MALRD1: variants seen among roughly 807,000 people sequenced by gnomAD.
MALRD1 encodes the protein MAM and LDL receptor class A domain containing 1.
In MALRD1, 247 loss-of-function variants were observed where a neutral mutation model predicts 242.1. The ratio of observed to expected loss-of-function variants is 1.02; its 90% CI spans 0.92 to 1.13. The LOEUF (loss-of-function observed/expected upper bound fraction) is 1.13, where lower values mean the gene tolerates loss of function less well. Ranked by LOEUF, MALRD1 falls within the 50% of genes most tolerant of loss-of-function variation. MALRD1 has a pLI of 0.00. For synonymous variants in MALRD1, 995 were observed against 866.6 expected (o/e 1.15, Z -2.60); for missense variants, 2,989 against 2,533.1 (o/e 1.18, Z -3.86).
At chr10:19,646,219 G>C (rs1007989160) in intron 36 of MALRD1, among the ~76,000 whole-genome samples, 1 of 152,044 alleles carries the variant, frequency 6.6e-6, no homozygotes, top group African/African-American at 2.4e-5. Context: ...TGCTGGCTGG[G>C]GTTACTAATA....
Position 19,155,113 on chromosome 10 carries a change from G to A in MALRD1, c.1597G>A (p.Val533Met). ...TTTGGAGGCACAGCGCTCCCCCGGG[G>A]TGGCCAAGCTTGGAAGTCCTGTTCT... ...IYLEAQRSPG[V>M]AKLGSPVLTK... The change falls in exon 12 of 40, where the codon GTG (valine) becomes ATG (methionine). Residue 533 changes from valine to methionine, a missense_variant. Coordinates refer to ENST00000454679, the MANE Select transcript of MALRD1 (RefSeq NM_001142308.3). 8.1e-7 allele frequency: 1 copy of A among 1,231,560 alleles called. No individual in the cohort carries two copies. Among genetic ancestry groups the A allele is most frequent in the Non-Finnish European group, 1.0e-6 (1 of 987,914 alleles). The allele number at this position is 1,231,560 out of a possible 1,614,324, so 76.3% of individuals were successfully genotyped here.
intron 4 of MALRD1, among the ~76,000 whole-genome samples, chr10:19,096,419 C>A (rs1836036412): frequency 2.0e-5 from 3 of 152,274 alleles, no homozygotes; most frequent in South Asian, 4.1e-4. Context: ...TACGTTATTG[C>A]TGATGTGAAA....
At chr10:19,214,737 T>A (rs1837231548) in intron 18 of MALRD1, among the ~76,000 whole-genome samples, 1 of 152,170 alleles carries the variant, frequency 6.6e-6, no homozygotes, top group African/African-American at 2.4e-5. Context: ...TGGGTGCCCT[T>A]TCCACACTTG....
At chr10:19,137,087 G>A (rs1833369285) in intron 10 of MALRD1, among the ~76,000 whole-genome samples, 1 of 152,154 alleles carries the variant, frequency 6.6e-6, no homozygotes, top group African/African-American at 2.4e-5. Context: ...GGTGGTAGAA[G>A]GAAACTTTTT....
At position 19,306,232 on chromosome 10, in the gene MALRD1, C is replaced by CTATACTATAGTATAGTATA. The variant is rs1269551020; in HGVS notation, c.3420-17708_3420-17707insGTATAGTATATATACTATA. On this transcript the variant is annotated intron_variant, in intron 21 of 39. Coordinates refer to ENST00000454679, the MANE Select transcript of MALRD1 (RefSeq NM_001142308.3). ...TATATACACACACATACTATATATA[C>CTATACTATAGTATAGTATA]TATACTATATATACTATACTATAGT... Among the ~76,000 whole-genome samples the CTATACTATAGTATAGTATA allele has an allele frequency of 1.6e-3, 160 of 101,218 alleles. 1 individual carries two copies. The highest frequency in any genetic ancestry group is 2.8e-3 in the Non-Finnish European group (129 of 46,624). The allele number at this position is 101,218 out of a possible 152,430, so 66.4% of individuals were successfully genotyped here.
intron 12 of MALRD1, among the ~76,000 whole-genome samples, chr10:19,163,195 C>G (rs1815036244): frequency 7.8e-6 from 1 of 128,956 alleles, no homozygotes; most frequent in Non-Finnish European, 1.6e-5. Context: ...GATACATTCA[C>G]ATGTATGTGA....
At chr10:19,712,660 G>A (rs76524205) in intron 38 of MALRD1, among the ~76,000 whole-genome samples, 3,876 of 152,160 alleles carry the variant, frequency 0.025, 163 homozygotes, top group African/African-American at 0.082. Context: ...GTGTCTCAAA[G>A]AACCCAATAA....
chr10:19,552,813 C>A (rs907182330), intron 32 of MALRD1, among the ~76,000 whole-genome samples: 1 of 152,012 alleles, frequency 6.6e-6, no homozygotes, highest in Non-Finnish European at 1.5e-5. Flanking sequence ...ACATCAAGTT[C>A]TGCTCTCCTG....
chr10:19,374,620 G>A (rs763684626), intron 26 of MALRD1, among the ~76,000 whole-genome samples: 8 of 152,144 alleles, frequency 5.3e-5, no homozygotes, highest in Non-Finnish European at 1.0e-4. Flanking sequence ...ACATACACAT[G>A]CATATATACT....
rs373665052 is a variant in MALRD1 at position 19,283,655 on chromosome 10, G to A, written c.3419+474G>A. Reference sequence around the variant, plus strand: ...TACATGTATGAACACAGGTAAATGTGCAGATTTTCAACATAGGTGAAAAGA... The same window carrying A: ...TACATGTATGAACACAGGTAAATGTACAGATTTTCAACATAGGTGAAAAGA... On this transcript the variant is annotated intron_variant, in intron 21 of 39. Transcript: ENST00000454679. Among the ~76,000 whole-genome samples the A allele has an allele frequency of 4.3e-4, 66 of 152,054 alleles. No homozygotes were observed. In the East Asian group the frequency reaches 0.01, roughly 24 times the overall value.
Position 19,607,920 on chromosome 10 carries a change from A to G in MALRD1, c.6070+18A>G. ...CTGCTCCGGTACCCCATTTCCATTC[A>G]GATATTCTTGTGATATGAACCAGCA... On this transcript the variant is annotated intron_variant, in intron 35 of 39. Coordinates refer to ENST00000454679, the MANE Select transcript of MALRD1 (RefSeq NM_001142308.3). The G allele has an allele frequency of 1.3e-6, 2 of 1,548,696 alleles. No homozygotes were observed. Among genetic ancestry groups the G allele is most frequent in the Non-Finnish European group, 1.7e-6 (2 of 1,146,082 alleles).
chr10:19,248,913 G>A (rs1839178664), intron 18 of MALRD1, among the ~76,000 whole-genome samples: 1 of 146,054 alleles, frequency 6.8e-6, no homozygotes, highest in East Asian at 2.0e-4. Context: ...TATCATATGT[G>A]TATATGTTTT....
At chr10:19,322,775 T>TC (rs1480603197) in intron 21 of MALRD1, among the ~76,000 whole-genome samples, 1 of 151,950 alleles carries the variant, frequency 6.6e-6, no homozygotes, top group Non-Finnish European at 1.5e-5. Flanking sequence ...TCTTCATAAT[T>TC]CCCCCAAAAT....
chr10:19,424,424 T>G (rs1833828920), intron 28 of MALRD1, among the ~76,000 whole-genome samples: 1 of 152,190 alleles, frequency 6.6e-6, no homozygotes, highest in South Asian at 2.1e-4. Flanking sequence ...CCTCCCAAAG[T>G]TCTGGGATCA....
chr10:19,641,917 A>C (rs1840401472), intron 36 of MALRD1, among the ~76,000 whole-genome samples: 4 of 152,250 alleles, frequency 2.6e-5, no homozygotes, highest in Middle Eastern at 3.4e-3. Context: ...TCCTTTTATT[A>C]TTGGCAATAA....
intron 21 of MALRD1, among the ~76,000 whole-genome samples, chr10:19,302,121 T>A (rs72782348): frequency 0.062 from 9,357 of 151,828 alleles, 358 homozygotes; most frequent in Non-Finnish European, 0.092. Context: ...ATAACAGGTG[T>A]TGATGAGAAT....
chr10:19,687,291 G>A (rs1471816580), intron 36 of MALRD1, among the ~76,000 whole-genome samples: 4 of 152,174 alleles, frequency 2.6e-5, no homozygotes, highest in Non-Finnish European at 2.9e-5. Context: ...AAATAGCAAA[G>A]AGATTACCTG....
chr10:19,282,469 A>C (rs1292398617), intron 20 of MALRD1, among the ~76,000 whole-genome samples: 2 of 151,966 alleles, frequency 1.3e-5, no homozygotes, highest in African/African-American at 4.9e-5. Context: ...ACATTCGGAG[A>C]GAGAATTCAG....
At chr10:19,695,286 G>T (rs1473063438) in intron 38 of MALRD1, among the ~76,000 whole-genome samples, 1 of 152,044 alleles carries the variant, frequency 6.6e-6, no homozygotes, top group Non-Finnish European at 1.5e-5. Context: ...AAAGAGATGA[G>T]GGGCTAGATT....
Sources: allele counts gnomAD v4.1 joint callset (sites outside exome capture counted in the v4.1 genomes callset), GRCh38; gene constraint gnomAD v4.1.1; transcripts MANE v1.5; gene names NCBI Gene and HGNC (gene_info 2026-07-23, HGNC 2026-07-21).